The following HIRA variants were observed in gnomAD, a reference collection of about 807,000 sequenced individuals.
HIRA encodes protein HIRA.
Under a neutral mutation model 126.6 loss-of-function variants are expected in HIRA, and 13 were observed. That is an observed-to-expected ratio of 0.10 (90% CI 0.07 to 0.16). The LOEUF is 0.16. Among genes scored for constraint, HIRA ranks in the 10% least tolerant of loss-of-function variants. The pLI is 1.00. For missense variants in HIRA, 834 were observed against 1,314.4 expected (o/e 0.63, Z 5.65); for synonymous variants, 511 against 520.0 (o/e 0.98, Z 0.24).
At chr22:19,407,408 G>T in intron 3 of HIRA, 134 bp from the exon 4 acceptor site, 1 of 673,040 alleles carries the variant, frequency 1.5e-6, no homozygotes. Context: ...CTGTGTGAGA[G>T]CCCCAGAAAA....
At chr22:19,397,393 G>A (rs911862094) in intron 6 of HIRA, among the ~76,000 whole-genome samples, 2 of 152,246 alleles carry the variant, frequency 1.3e-5, no homozygotes, top group African/African-American at 4.8e-5. Flanking sequence ...ATGCTACTCC[G>A]GTCTCTAAAG....
chr22:19,361,445 T>C (rs2088863064), intron 16 of HIRA, 104 bp from the exon 17 acceptor site: 1 of 971,650 alleles, frequency 1.0e-6, no homozygotes, highest in African/African-American at 1.6e-5. Flanking sequence ...GACCAGAGCA[T>C]TTCCACCCTG....
intron 24 of HIRA, among the ~76,000 whole-genome samples, chr22:19,332,429 A>C (rs2088500767): frequency 6.6e-6 from 1 of 152,216 alleles, no homozygotes; most frequent in Non-Finnish European, 1.5e-5. Flanking sequence ...AGGCTCTGAC[A>C]CCAGAGTGCC....
intron 1 of HIRA, among the ~76,000 whole-genome samples, chr22:19,429,562 T>G (rs1010745725): frequency 2.0e-5 from 3 of 152,260 alleles, no homozygotes; most frequent in Non-Finnish European, 2.9e-5. Flanking sequence ...GATATTATCA[T>G]GCTCCATTCT....
chr22:19,401,254 C>T (rs575425237), intron 5 of HIRA, among the ~76,000 whole-genome samples: 18 of 152,258 alleles, frequency 1.2e-4, no homozygotes, highest in South Asian at 4.1e-4. Context: ...ATAAGCAATA[C>T]GCTGCCTGTT....
Position 19,351,224 on chromosome 22 carries a change from A to G in HIRA, c.2937+134T>C. On this transcript the variant is annotated intron_variant, in intron 24 of 24. Coordinates refer to ENST00000263208, the MANE Select transcript of HIRA (RefSeq NM_003325.4). The surrounding 1 kb of genome is among the most constrained non-coding windows in gnomAD (Gnocchi z 4.8). ...CCGTCGGCATGTCACCCTCTCACTG[A>G]TGCTGGGACCTGAGGCTGGGTGCTG... 7.1e-7 allele frequency: 1 copy of G among 1,407,894 alleles called. No homozygotes were observed. Among genetic ancestry groups the G allele is most frequent in the East Asian group, 2.7e-5 (1 of 37,556 alleles). 87.2% of individuals were successfully genotyped at this position (1,407,894 alleles called of 1,614,324 possible). A position where few individuals can be genotyped will look rare whatever the true frequency, so the allele number is the denominator to read the frequency against.
intron 1 of HIRA, among the ~76,000 whole-genome samples, chr22:19,423,511 AC>A (rs2089465252): frequency 9.0e-6 from 1 of 111,370 alleles, no homozygotes; most frequent in Non-Finnish European, 2.0e-5. Context: ...ACACACACAC[AC>A]ACACACACAC....
At chr22:19,375,939 C>T in intron 14 of HIRA, 147 bp from the exon 15 acceptor site, 1 of 863,676 alleles carries the variant, frequency 1.2e-6, no homozygotes, top group Non-Finnish European at 1.8e-6. Context: ...ATCTACTACT[C>T]CCATTTCTTT....
chr22:19,396,447 C>T (rs895402202), intron 7 of HIRA, among the ~76,000 whole-genome samples: 5 of 152,178 alleles, frequency 3.3e-5, no homozygotes, highest in Non-Finnish European at 5.9e-5. Flanking sequence ...ACCCAGGAGG[C>T]GGAGGTTGCA....
intron 24 of HIRA, among the ~76,000 whole-genome samples, chr22:19,335,476 C>T (rs1248974518): frequency 2.0e-5 from 3 of 152,162 alleles, no homozygotes; most frequent in Admixed American, 6.5e-5. Flanking sequence ...AACTCCTGGC[C>T]TCAAGTGATC....
intron 9 of HIRA, among the ~76,000 whole-genome samples, chr22:19,391,540 G>A (rs569022658): frequency 6.8e-6 from 1 of 147,826 alleles, no homozygotes; most frequent in East Asian, 2.0e-4. Flanking sequence ...GGAGTGCAGT[G>A]GCGCGGTCTC....
At chr22:19,399,815 G>A (rs567981974) in intron 5 of HIRA, among the ~76,000 whole-genome samples, 12 of 152,248 alleles carry the variant, frequency 7.9e-5, no homozygotes, top group African/African-American at 2.4e-4. Flanking sequence ...ATTAGTGAAA[G>A]CGTTTGTCTC....
At chr22:19,361,573 G>A (rs964239938) in intron 16 of HIRA, among the ~76,000 whole-genome samples, 154 bp downstream of exon 16, 13 of 152,322 alleles carry the variant, frequency 8.5e-5, no homozygotes, top group South Asian at 8.3e-4. Flanking sequence ...GAGGGAGAGC[G>A]TGGCCTCCAT....
intron 1 of HIRA, among the ~76,000 whole-genome samples, chr22:19,422,197 CACATATAT>C (rs1392674568): frequency 0.011 from 1,341 of 122,350 alleles, 26 homozygotes; most frequent in African/African-American, 0.05. Flanking sequence ...CACACACATA[CACATATAT>C]ATATATACAT....
intron 18 of HIRA, among the ~76,000 whole-genome samples, 168 bp from the exon 19 acceptor site, chr22:19,357,219 G>T (rs1325638612): frequency 6.6e-6 from 1 of 152,260 alleles, no homozygotes; most frequent in Non-Finnish European, 1.5e-5. Flanking sequence ...TGGTGGGGCT[G>T]TTGGAGCCTC....
At chr22:19,356,158 G>T in intron 20 of HIRA, 72 bp downstream of exon 20, 7 of 1,394,298 alleles carry the variant, frequency 5.0e-6, no homozygotes, top group South Asian at 1.2e-5. Context: ...CTCTCTGAGC[G>T]GGGCCCTTCT....
Position 19,361,795 on chromosome 22 carries a change from C to T in HIRA, c.1912G>A (p.Val638Ile). The T allele has an allele frequency of 1.2e-6, 2 of 1,614,012 alleles. No homozygotes were observed. Among genetic ancestry groups the T allele is most frequent in the Non-Finnish European group, 1.7e-6 (2 of 1,180,008 alleles). Residue 638 changes from valine to isoleucine, a missense_variant, in exon 16 of 25, where the codon GTA becomes ATA. Physicochemically the swap from Val to Ile is conservative, Grantham distance 29. This residue lies in a region of HIRA where 468 missense variants were observed against 574.2 expected (regional missense o/e 0.82). Coordinates refer to ENST00000263208, the MANE Select transcript of HIRA (RefSeq NM_003325.4). Reference sequence around the variant, plus strand: ...GGCCGCCCTTTCTTCTTCTTCTCTACTGTCTCTACCTCAAGCTCAAGTTTT... The same window carrying T: ...GGCCGCCCTTTCTTCTTCTTCTCTATTGTCTCTACCTCAAGCTCAAGTTTT... ...KRKLELEVET[V>I]EKKKKGRPRK...
intron 15 of HIRA, among the ~76,000 whole-genome samples, chr22:19,365,230 A>C (rs958300439): frequency 1.3e-5 from 2 of 152,262 alleles, no homozygotes; most frequent in African/African-American, 4.8e-5. Flanking sequence ...AAGTTGCAGC[A>C]AGGTATTAGA....
chr22:19,366,804 A>G (rs1270974474), intron 15 of HIRA, among the ~76,000 whole-genome samples: 2 of 152,224 alleles, frequency 1.3e-5, no homozygotes, highest in Non-Finnish European at 2.9e-5. Context: ...TCTGTTGCCC[A>G]GGCTGGAGTA....
Sources: allele counts gnomAD v4.1 joint callset (sites outside exome capture counted in the v4.1 genomes callset), GRCh38; gene constraint gnomAD v4.1.1; regional missense constraint gnomAD v4.1.1; non-coding constraint Gnocchi (gnomAD v3.1); transcripts MANE v1.5; gene names NCBI Gene and HGNC (gene_info 2026-07-23, HGNC 2026-07-21).